Variants in FARSB observed in about 807,000 individuals in gnomAD.
The protein encoded by FARSB is phenylalanine--tRNA ligase beta subunit.
In FARSB, 40 loss-of-function variants were observed where a neutral mutation model predicts 69.6. The ratio of observed to expected loss-of-function variants is 0.57; its 90% CI spans 0.45 to 0.75. The LOEUF (loss-of-function observed/expected upper bound fraction) is 0.75, where lower values mean the gene tolerates loss of function less well. FARSB is among the 30% of genes least tolerant of loss of function. The probability of loss-of-function intolerance (pLI) is 0.00; values close to 1 mark genes in which losing one functional copy is unlikely to be tolerated. For missense variants in FARSB, 632 were observed against 722.9 expected, an observed-to-expected ratio of 0.87 and a Z score of 1.44; for synonymous variants, 235 against 247.2, an observed-to-expected ratio of 0.95 and a Z score of 0.46.
intron 1 of FARSB, among the ~76,000 whole-genome samples, chr2:222,654,438 T>G (rs1692118518): frequency 6.6e-6 from 1 of 152,192 alleles, no homozygotes; most frequent in Non-Finnish European, 1.5e-5. Context: ...CCCCAAAATA[T>G]CTCATTATGT....
intron 15 of FARSB, among the ~76,000 whole-genome samples, chr2:222,603,560 T>C (rs1243877810): frequency 6.6e-6 from 1 of 151,228 alleles, no homozygotes; most frequent in African/African-American, 2.4e-5. Context: ...TAAGTATTAT[T>C]ATTCCTATAA....
intron 16 of FARSB, among the ~76,000 whole-genome samples, chr2:222,599,217 A>G (rs1690500271): frequency 6.6e-6 from 1 of 152,226 alleles, no homozygotes; most frequent in Admixed American, 6.5e-5. Flanking sequence ...GGTAGGAATA[A>G]GTGGTGAAAT....
intron 15 of FARSB, 108 bp from the exon 16 acceptor site, chr2:222,600,191 T>G: frequency 1.2e-6 from 1 of 852,288 alleles, no homozygotes; most frequent in Non-Finnish European, 1.8e-6. Context: ...AAACCAAATA[T>G]TAAACATTCA....
At chr2:222,588,156 T>C (rs1227876973) in intron 16 of FARSB, among the ~76,000 whole-genome samples, 1 of 152,186 alleles carries the variant, frequency 6.6e-6, no homozygotes. Flanking sequence ...AAAAAGCTTA[T>C]CCACCATGAT....
chr2:222,619,217 A>T (rs1405933307), intron 14 of FARSB, among the ~76,000 whole-genome samples: 1 of 151,910 alleles, frequency 6.6e-6, no homozygotes, highest in Non-Finnish European at 1.5e-5. Context: ...GAGGCAGCAG[A>T]ATCGCTTGAA....
At chr2:222,628,652 C>A (rs1452785599) in intron 10 of FARSB, among the ~76,000 whole-genome samples, 185 bp downstream of exon 10, 1 of 152,078 alleles carries the variant, frequency 6.6e-6, no homozygotes, top group African/African-American at 2.4e-5. Flanking sequence ...CTGGAAAAAG[C>A]TTAATAAGAG....
chr2:222,591,394 C>G (rs1356015292), intron 16 of FARSB, among the ~76,000 whole-genome samples: 1 of 152,160 alleles, frequency 6.6e-6, no homozygotes, highest in African/African-American at 2.4e-5. Context: ...CTAGAGAACA[C>G]CCAAAGCCTG....
chr2:222,582,964 T>C (rs1574911476), intron 16 of FARSB, among the ~76,000 whole-genome samples: 1 of 148,896 alleles, frequency 6.7e-6, no homozygotes, highest in Non-Finnish European at 1.5e-5. Flanking sequence ...GTAAATTCAC[T>C]AGGAACCAAG....
chr2:222,607,143 A>G (rs540354573), intron 15 of FARSB, among the ~76,000 whole-genome samples: 1 of 152,364 alleles, frequency 6.6e-6, no homozygotes, highest in South Asian at 2.1e-4. Flanking sequence ...TCTTGTGAAG[A>G]CATAATGCCT....
intron 15 of FARSB, among the ~76,000 whole-genome samples, chr2:222,605,731 A>T (rs1690688087): frequency 6.7e-6 from 1 of 149,142 alleles, no homozygotes; most frequent in Non-Finnish European, 1.5e-5. Context: ...CAGCCTGGGC[A>T]ACAAAGTGAG....
At chr2:222,578,141 A>C (rs1689881705) in intron 16 of FARSB, among the ~76,000 whole-genome samples, 1 of 152,148 alleles carries the variant, frequency 6.6e-6, no homozygotes. Context: ...CACCCATATC[A>C]TTTTCCCCCA....
chr2:222,629,587 T>C (rs1306112091), intron 9 of FARSB, among the ~76,000 whole-genome samples: 1 of 152,208 alleles, frequency 6.6e-6, no homozygotes, highest in East Asian at 1.9e-4. Context: ...CAGCTGGCAG[T>C]AACTTGCCCT....
Position 222,580,075 on chromosome 2 carries a change from C to T in FARSB, c.1619-8053G>A, listed in dbSNP as rs1038175947. ...GATTAGCATGCATCCTAAGGTTTTA[C>T]AAACAACATATTCATTACATATAAG... is the stretch of plus-strand genomic sequence containing the variant. On this transcript the variant is annotated intron_variant, in intron 16 of 16. Coordinates refer to ENST00000281828, the MANE Select transcript of FARSB (RefSeq NM_005687.5). Among the ~76,000 whole-genome samples the T allele has an allele frequency of 1.2e-3, 175 of 152,086 alleles. 1 individual carries two copies. The highest frequency in any genetic ancestry group is 4.0e-3 in the African/African-American group (167 of 41,508).
chr2:222,594,187 G>A (rs1690352506), intron 16 of FARSB, among the ~76,000 whole-genome samples: 1 of 150,218 alleles, frequency 6.7e-6, no homozygotes, highest in Admixed American at 6.6e-5. Context: ...GAATCACAGT[G>A]AGCCATGATC....
intron 10 of FARSB, among the ~76,000 whole-genome samples, chr2:222,625,478 C>T (rs985345408): frequency 2.0e-5 from 3 of 152,168 alleles, no homozygotes; most frequent in African/African-American, 7.2e-5. Context: ...TGGAACCTTG[C>T]TACTCAAAAT....
intron 3 of FARSB, 79 bp from the exon 4 acceptor site, chr2:222,641,010 G>A (rs74597656): frequency 0.055 from 34,282 of 624,274 alleles, 1,069 homozygotes; most frequent in Non-Finnish European, 0.072. Context: ...GCTGTATATA[G>A]GAAGTATACA....
intron 16 of FARSB, among the ~76,000 whole-genome samples, chr2:222,595,187 A>G (rs1474175476): frequency 5.3e-5 from 8 of 152,240 alleles, no homozygotes; most frequent in Non-Finnish European, 8.8e-5. Flanking sequence ...AAATGTGGGC[A>G]TGCTAGAAAG....
chr2:222,640,269 T>C (rs1033046352), intron 4 of FARSB, among the ~76,000 whole-genome samples: 6 of 152,338 alleles, frequency 3.9e-5, no homozygotes, highest in Admixed American at 2.6e-4. Flanking sequence ...AGGGGAAGGA[T>C]CCTTTGAGCT....
chr2:222,626,873 A>G (rs1392881619), intron 10 of FARSB, among the ~76,000 whole-genome samples: 6 of 151,954 alleles, frequency 3.9e-5, no homozygotes, highest in Admixed American at 2.0e-4. Flanking sequence ...CTCTACTAAA[A>G]ATACAAAAAA....
Sources: allele counts gnomAD v4.1 joint callset (sites outside exome capture counted in the v4.1 genomes callset), GRCh38; gene constraint gnomAD v4.1.1; transcripts MANE v1.5; gene names NCBI Gene and HGNC (gene_info 2026-07-23, HGNC 2026-07-21).